Variants in NEB observed in about 807,000 individuals in gnomAD.
The protein encoded by NEB is nebulin.
A neutral mutation model predicts 952.2 loss-of-function variants in NEB; 512 were observed. The ratio of observed to expected loss-of-function variants is 0.54; its 90% CI spans 0.50 to 0.58. The LOEUF (loss-of-function observed/expected upper bound fraction) is 0.58, where lower values mean the gene tolerates loss of function less well. Among genes scored for constraint, NEB ranks in the 20% least tolerant of loss-of-function variants. NEB has a pLI of 0.00. For synonymous variants in NEB, 2,900 were observed against 3,149.8 expected (o/e 0.92, Z 2.66); for missense variants, 8,428 against 9,231.1 (o/e 0.91, Z 3.56).
chr2:151,555,299 G>T (rs769951644), intron 124 of NEB, among the ~76,000 whole-genome samples: 4 of 152,116 alleles, frequency 2.6e-5, no homozygotes, highest in Non-Finnish European at 4.4e-5. Flanking sequence ...AATTTTAGTT[G>T]CTGTTTTCAA....
chr2:151,567,470 T>C lies in NEB; in HGVS notation c.17854A>G (p.Lys5952Glu). 6.2e-7 allele frequency: 1 copy of C among 1,609,088 alleles called. No individual in the cohort carries two copies. Among genetic ancestry groups the C allele is most frequent in the Non-Finnish European group, 8.5e-7 (1 of 1,177,156 alleles). The change falls in exon 114 of 182, where the codon AAA becomes GAA. Residue 5952 changes from lysine to glutamate, a missense_variant. Around this residue, in one of 11 missense-constraint regions of NEB, gnomAD observed 3,374 missense variants for 3,651.5 expected, o/e 0.92. Coordinates refer to ENST00000397345, the MANE Select transcript of NEB (RefSeq NM_001164508.2). ...CNDVQSELKY[K>E]AEHVKQKGHY... is the part of the protein sequence containing the mutation. ...CCTTTTTGCTTCACATGTTCAGCTT[T>C]GTATTTCAGCTGGCGAGAAGAGGAA...
intron 168 of NEB, 76 bp downstream of exon 168, chr2:151,501,315 G>C: frequency 2.1e-6 from 2 of 961,732 alleles, no homozygotes; most frequent in South Asian, 3.0e-5. Flanking sequence ...ATTATAAAGG[G>C]ATGAACAGTG....
rs1351250313 is a variant in NEB at position 151,538,186 on chromosome 2, G to C, written c.20951C>G (p.Ala6984Gly). The change falls in exon 139 of 182, where the codon GCC becomes GGC. Residue 6984 changes from alanine to glycine, a missense_variant. Ala to Gly is a moderately conservative substitution (Grantham distance 60). This residue lies in a region of NEB where 3,374 missense variants were observed against 3,651.5 expected (regional missense o/e 0.92). Transcript: ENST00000397345. ...TTTGCGATGATAGACAATGTCTAGGGCATCTTTCACCGTGTGGTATTTCCC... is the reference window on the plus strand; with the variant it reads ...TTTGCGATGATAGACAATGTCTAGGCCATCTTTCACCGTGTGGTATTTCCC... ...TKGKYHTVKD[A>G]LDIVYHRKVT... The C allele has an allele frequency of 1.2e-6, 2 of 1,613,166 alleles. No individual in the cohort carries two copies. The highest frequency in any genetic ancestry group is 1.7e-6 in the Non-Finnish European group (2 of 1,179,278).
intron 72 of NEB, among the ~76,000 whole-genome samples, chr2:151,620,212 A>G (rs969029045): frequency 1.3e-5 from 2 of 151,598 alleles, no homozygotes; most frequent in African/African-American, 2.4e-5. Context: ...TTTAATAGGT[A>G]GAGAGTTTAA....
Position 151,664,417 on chromosome 2 carries a change from T to C in NEB, c.5451+84A>G, listed in dbSNP as rs879142836. 3.2e-5 allele frequency: 32 copies of C among 1,004,934 alleles called. 1 individual carries two copies. In the South Asian group the frequency reaches 5.7e-4, roughly 18 times the overall value. 62.3% of individuals were successfully genotyped at this position (1,004,934 alleles called of 1,614,324 possible). On this transcript the variant is annotated intron_variant, in intron 44 of 181. Coordinates refer to ENST00000397345, the MANE Select transcript of NEB (RefSeq NM_001164508.2). ...CATTCCCACCAACCCTGAATGGAGC[T>C]GACCACTGCTCCTACATACACACAA...
rs199969138 is a variant in NEB at position 151,709,707 on chromosome 2, G to A, written c.984C>T (p.Thr328=). Residue 328 remains threonine, a synonymous_variant, in exon 12 of 182, where the codon ACC becomes ACT. Transcript: ENST00000397345. Reference sequence around the variant, plus strand: ...TATTCATTTTATACTCTGGTGTTTCGGTCTGCATGAAGTAGATCTGGTCTT... The same window carrying A: ...TATTCATTTTATACTCTGGTGTTTCAGTCTGCATGAAGTAGATCTGGTCTT... The part of the protein sequence containing the change: ...NMKDQIYFMQ[T]ETPEYKMNKK... The A allele has an allele frequency of 9.7e-4, 1,557 of 1,605,908 alleles. 1 individual carries two copies. The highest frequency in any genetic ancestry group is 1.2e-3 in the Non-Finnish European group (1,460 of 1,175,786).
At chr2:151,705,696 A>G (rs2099703047) in intron 13 of NEB, among the ~76,000 whole-genome samples, 1 of 152,230 alleles carries the variant, frequency 6.6e-6, no homozygotes, top group African/African-American at 2.4e-5. Context: ...CAACGAGAGG[A>G]TAAAGAAAAT....
intron 8 of NEB, among the ~76,000 whole-genome samples, 194 bp from the exon 9 acceptor site, chr2:151,723,680 C>T (rs2099781214): frequency 7.2e-6 from 1 of 138,670 alleles, no homozygotes; most frequent in Non-Finnish European, 1.6e-5. Context: ...CCTGCTTTTT[C>T]TTATTTTCAG....
intron 51 of NEB, among the ~76,000 whole-genome samples, chr2:151,654,414 C>T (rs2099064388): frequency 6.6e-6 from 1 of 152,100 alleles, no homozygotes. Context: ...TTAATACCGC[C>T]TGGGCTTACT....
intron 129 of NEB, 113 bp downstream of exon 129, chr2:151,551,625 G>T: frequency 1.3e-6 from 1 of 793,988 alleles, no homozygotes. Flanking sequence ...CACCTCATGT[G>T]AATAGAACAG....
Position 151,727,878 on chromosome 2 carries a change from G to A in NEB, c.107C>T (p.Thr36Ile). 1 of 1,613,434 alleles carries A rather than the reference G, an allele frequency of 6.2e-7. No homozygotes were observed. Among genetic ancestry groups the A allele is most frequent in the Non-Finnish European group, 8.5e-7 (1 of 1,179,650 alleles). ...ETITKIYETT[T>I]TRTSDYEQSE... Reference sequence around the variant, plus strand: ...TTGCTCATAGTCAGATGTCCTTGTTGTCGTAGTCTCATAAATTTTTGTTAT... The same window carrying A: ...TTGCTCATAGTCAGATGTCCTTGTTATCGTAGTCTCATAAATTTTTGTTAT... The change falls in exon 5 of 182, where the codon ACA becomes ATA. Residue 36 changes from threonine (T) to isoleucine (I), a missense_variant. Thr to Ile is a moderately conservative substitution (Grantham distance 89). Around this residue, in one of 11 missense-constraint regions of NEB, gnomAD observed 2,851 missense variants for 2,791.5 expected, o/e 1.02. Transcript: ENST00000397345.
At chr2:151,670,521 G>A (rs987730042) in intron 38 of NEB, among the ~76,000 whole-genome samples, 28 of 148,860 alleles carry the variant, frequency 1.9e-4, no homozygotes, top group African/African-American at 6.7e-4. Flanking sequence ...CCATACAGAC[G>A]TGGTCTCAGA....
chr2:151,631,116 G>C (rs765848600), intron 66 of NEB, 27 bp downstream of exon 66: 1 of 1,611,062 alleles, frequency 6.2e-7, no homozygotes, highest in South Asian at 1.1e-5. Flanking sequence ...TGGCATCTTG[G>C]AGAAGCTTAA....
At chr2:151,554,268 G>C (rs184030064) in intron 125 of NEB, among the ~76,000 whole-genome samples, 40 of 152,266 alleles carry the variant, frequency 2.6e-4, no homozygotes, top group African/African-American at 7.5e-4. Flanking sequence ...TTGGTAAATA[G>C]AAAATGTTCA....
chr2:151,611,552 C>A (rs1300536366), intron 78 of NEB, among the ~76,000 whole-genome samples: 1 of 152,122 alleles, frequency 6.6e-6, no homozygotes, highest in African/African-American at 2.4e-5. Flanking sequence ...TGGAAGGCTT[C>A]CAGGCAGGTG....
At chr2:151,688,623 C>T (rs891559545) in intron 24 of NEB, among the ~76,000 whole-genome samples, 1 of 152,152 alleles carries the variant, frequency 6.6e-6, no homozygotes, top group Non-Finnish European at 1.5e-5. Context: ...CCAGTAGCTG[C>T]CTGAAATCAT....
At chr2:151,601,432 C>T (rs2097533484) in intron 88 of NEB, among the ~76,000 whole-genome samples, 1 of 134,022 alleles carries the variant, frequency 7.5e-6, no homozygotes, top group Non-Finnish European at 1.6e-5. Flanking sequence ...TAATTATAAA[C>T]TTATTTTAAA....
At chr2:151,626,098 G>A (rs914920455) in intron 70 of NEB, among the ~76,000 whole-genome samples, 2 of 151,076 alleles carry the variant, frequency 1.3e-5, no homozygotes, top group Non-Finnish European at 3.0e-5. Context: ...TAAATGTTAT[G>A]AAGATTTGCA....
At chr2:151,687,097 T>TA in intron 27 of NEB, among the ~76,000 whole-genome samples, 1 of 152,342 alleles carries the variant, frequency 6.6e-6, no homozygotes, top group South Asian at 2.1e-4. Context: ...TTTTAAAAAT[T>TA]GTTTTTCAAT....
Sources: gnomAD v4.1 joint callset for allele counts (sites outside exome capture counted in the v4.1 genomes callset) on GRCh38, gnomAD v4.1.1 for gene constraint, gnomAD v4.1.1 regional missense constraint, MANE v1.5 for transcripts, NCBI Gene and HGNC (gene_info 2026-07-23, HGNC 2026-07-21) for gene names.